Variants in ULK4 observed in about 807,000 individuals in gnomAD.
ULK4 encodes the protein unc-51 like kinase 4, also known as inactive serine/threonine-protein kinase ULK4.
ULK4 carries 133 observed loss-of-function variants against 160.6 expected under a neutral mutation model. That is an observed-to-expected ratio of 0.83 (90% CI 0.72 to 0.96). The LOEUF is 0.96. ULK4 is among the 40% of genes least tolerant of loss of function. The probability of loss-of-function intolerance (pLI) is 0.00; values close to 1 mark genes in which losing one functional copy is unlikely to be tolerated. For synonymous variants in ULK4, 534 were observed against 539.8 expected (o/e 0.99, Z 0.15); for missense variants, 1,580 against 1,499.5 (o/e 1.05, Z -0.89).
At chr3:41,845,712 T>C (rs1263319932) in intron 17 of ULK4, among the ~76,000 whole-genome samples, 3 of 152,222 alleles carry the variant, frequency 2.0e-5, no homozygotes, top group Non-Finnish European at 2.9e-5. Context: ...TATTATTTCT[T>C]ACAGAGAGAA....
chr3:41,788,897 A>C (rs2125591251), intron 21 of ULK4, among the ~76,000 whole-genome samples: 2 of 152,272 alleles, frequency 1.3e-5, no homozygotes, highest in South Asian at 4.1e-4. Flanking sequence ...CTGTTAACAC[A>C]TCATCAAACA....
chr3:41,538,559 T>A (rs1477604952), intron 32 of ULK4, among the ~76,000 whole-genome samples: 1 of 152,142 alleles, frequency 6.6e-6, no homozygotes, highest in African/African-American at 2.4e-5. Context: ...TTTACAGTAT[T>A]ACACTGAACA....
chr3:41,248,440 C>A (rs1249213204), intron 36 of ULK4, among the ~76,000 whole-genome samples: 1 of 152,086 alleles, frequency 6.6e-6, no homozygotes, highest in Non-Finnish European at 1.5e-5. Flanking sequence ...ACCATGAATA[C>A]GAACTTACTT....
At chr3:41,484,658 T>C (rs909587163) in intron 32 of ULK4, among the ~76,000 whole-genome samples, 1 of 152,092 alleles carries the variant, frequency 6.6e-6, no homozygotes, top group Admixed American at 6.5e-5. Context: ...TTCACCGTGT[T>C]AGCCAGGATG....
intron 17 of ULK4, among the ~76,000 whole-genome samples, chr3:41,861,277 T>A (rs1466100956): frequency 6.6e-6 from 1 of 152,208 alleles, no homozygotes; most frequent in African/African-American, 2.4e-5. Context: ...CTCATTACTG[T>A]CCTTTTCTTT....
rs7624472 is a variant in ULK4 at position 41,735,173 on chromosome 3, A to C, written c.2322-17312T>G. Among the ~76,000 whole-genome samples, 521 of 152,332 alleles carry C rather than the reference A, an allele frequency of 3.4e-3. 1 individual carries two copies. The highest frequency in any genetic ancestry group is 0.012 in the African/African-American group (497 of 41,586). On this transcript the variant is annotated intron_variant, in intron 22 of 36. Transcript: ENST00000301831. Reference sequence around the variant, plus strand: ...AATCAGATAGCGGATAAGCTAATGAATGCGAAAAGGAAGACAAGCAGGCAA... The same window carrying C: ...AATCAGATAGCGGATAAGCTAATGACTGCGAAAAGGAAGACAAGCAGGCAA...
intron 35 of ULK4, among the ~76,000 whole-genome samples, chr3:41,304,676 CTAGGCCATGAG>C (rs1165822605): frequency 6.6e-6 from 1 of 152,220 alleles, no homozygotes; most frequent in Non-Finnish European, 1.5e-5. Flanking sequence ...CCAGCTGGCA[CTAGGCCATGAG>C]TAGGAAGGCA....
intron 32 of ULK4, among the ~76,000 whole-genome samples, chr3:41,486,292 C>A (rs1012772939): frequency 6.6e-6 from 1 of 152,166 alleles, no homozygotes; most frequent in African/African-American, 2.4e-5. Context: ...GAATAACTGA[C>A]ATTACAACAT....
intron 29 of ULK4, among the ~76,000 whole-genome samples, chr3:41,668,062 G>T (rs544387078): frequency 6.6e-6 from 1 of 152,156 alleles, no homozygotes; most frequent in Non-Finnish European, 1.5e-5. Context: ...GAAACAATTG[G>T]TCAAGTGAAG....
intron 29 of ULK4, among the ~76,000 whole-genome samples, 181 bp from the exon 30 acceptor site, chr3:41,663,880 C>T (rs2035266943): frequency 3.3e-5 from 5 of 152,058 alleles, no homozygotes; most frequent in Admixed American, 3.3e-4. Context: ...CAAATATGCT[C>T]TATTGAAATA....
At chr3:41,536,611 G>A (rs775105222) in intron 32 of ULK4, among the ~76,000 whole-genome samples, 17 of 152,250 alleles carry the variant, frequency 1.1e-4, no homozygotes, top group Non-Finnish European at 2.2e-4. Flanking sequence ...TTATAACAAA[G>A]TAAGCTAGAG....
chr3:41,565,227 C>A (rs2087743728), intron 32 of ULK4, among the ~76,000 whole-genome samples: 1 of 152,220 alleles, frequency 6.6e-6, no homozygotes, highest in Non-Finnish European at 1.5e-5. Flanking sequence ...TTACGTAATG[C>A]ATGACTGTAC....
intron 32 of ULK4, among the ~76,000 whole-genome samples, chr3:41,559,033 C>T (rs1454859298): frequency 7.1e-5 from 10 of 141,184 alleles, no homozygotes; most frequent in East Asian, 2.1e-4. Flanking sequence ...CCCCTACCCC[C>T]ACCCCACAAC....
At chr3:41,782,199 G>A (rs2039865426) in intron 21 of ULK4, among the ~76,000 whole-genome samples, 1 of 150,814 alleles carries the variant, frequency 6.6e-6, no homozygotes, top group Non-Finnish European at 1.5e-5. Context: ...TCTTTGCAAG[G>A]ACTATCTGGC....
At position 41,636,695 on chromosome 3, in the gene ULK4, C is replaced by T. The variant is rs943476939; in HGVS notation, c.3072-20978G>A. On this transcript the variant is annotated intron_variant, in intron 30 of 36. Transcript: ENST00000301831. ...TATGTATACATGTGCCATGCTGGTG[C>T]GCTGCACCCATTAACTCGTCATTTA... Among the ~76,000 whole-genome samples the T allele has an allele frequency of 1.8e-4, 28 of 151,786 alleles. 1 individual carries two copies. The highest frequency in any genetic ancestry group is 5.3e-4 in the African/African-American group (22 of 41,392).
chr3:41,891,578 G>A (rs1369301022), intron 16 of ULK4, among the ~76,000 whole-genome samples: 1 of 151,484 alleles, frequency 6.6e-6, no homozygotes, highest in Non-Finnish European at 1.5e-5. Flanking sequence ...ATGGCACAGA[G>A]GTAAGCCACT....
intron 25 of ULK4, 101 bp from the exon 26 acceptor site, chr3:41,705,406 A>G: frequency 3.9e-6 from 3 of 776,100 alleles, no homozygotes; most frequent in East Asian, 2.7e-5. Context: ...ATTGTTTTTA[A>G]TAACTCATAG....
chr3:41,775,946 CATCTT>C (rs1408648472), intron 21 of ULK4, among the ~76,000 whole-genome samples: 2 of 150,892 alleles, frequency 1.3e-5, no homozygotes, highest in Admixed American at 6.6e-5. Flanking sequence ...CATTCTGCAT[CATCTT>C]ATGTTACTGC....
intron 34 of ULK4, among the ~76,000 whole-genome samples, chr3:41,418,887 T>G (rs1229022192): frequency 6.6e-6 from 1 of 152,208 alleles, no homozygotes; most frequent in East Asian, 1.9e-4. Context: ...AATGGGCACA[T>G]TATAAAATGT....
Sources: gnomAD v4.1 joint callset for allele counts (sites outside exome capture counted in the v4.1 genomes callset) on GRCh38, gnomAD v4.1.1 for gene constraint, MANE v1.5 for transcripts, NCBI Gene and HGNC (gene_info 2026-07-23, HGNC 2026-07-21) for gene names.